Variants in NPBWR1 observed in about 807,000 individuals in gnomAD.
NPBWR1 encodes neuropeptides B/W receptor type 1.
In NPBWR1, 4 loss-of-function variants were observed where a neutral mutation model predicts 2.8. The observed-to-expected ratio is 1.44, with a 90% confidence interval of 0.71 to 3.29. NPBWR1 has a LOEUF of 3.29. Ranked by LOEUF, NPBWR1 falls within the 30% of genes most tolerant of loss-of-function variation. The probability of loss-of-function intolerance (pLI) is 0.01; values close to 1 mark genes in which losing one functional copy is unlikely to be tolerated. For missense variants in NPBWR1, 545 were observed against 462.5 expected (o/e 1.18, Z -1.64); for synonymous variants, 250 against 224.5 (o/e 1.11, Z -1.02).
rs779007405 is a variant in NPBWR1, at chr8:52,940,087, C to T, written c.180C>T (p.Tyr60=). 1 of 1,611,670 alleles carries T rather than the reference C, an allele frequency of 6.2e-7. No homozygotes were observed. The highest frequency in any genetic ancestry group is 1.1e-5 in the South Asian group (1 of 91,076). ...VGLAGNSAVL[Y]VLLRAPRMKT... ...TGGCGGGCAACTCCGCCGTGCTGTA[C>T]GTGTTGCTGCGGGCGCCCCGCATGA... Residue 60 remains tyrosine (Y), a synonymous_variant, in exon 2 of 2, where the codon TAC becomes TAT. Coordinates refer to ENST00000674939, the MANE Select transcript of NPBWR1 (RefSeq NM_005285.5).
Position 52,943,600 on chromosome 8 carries a change from C to G in NPBWR1, c.*2706C>G, listed in dbSNP as rs1802921979. 2.6e-5 allele frequency among the ~76,000 whole-genome samples: 4 copies of G among 152,262 alleles called. No individual in the cohort carries two copies. In the South Asian group the frequency reaches 8.3e-4, roughly 32 times the overall value. On this transcript the variant is annotated 3_prime_UTR_variant, in exon 2 of 2. Coordinates refer to ENST00000674939, the MANE Select transcript of NPBWR1 (RefSeq NM_005285.5). ...TACCACTTTGAATAGTTAAAAATGT[C>G]TATTTGCTTTTACTTAATTTAGTGC...
rs769773054 is a variant in NPBWR1 at position 52,940,333 on chromosome 8, G to A, written c.426G>A (p.Ala142=). The part of the protein sequence containing the change: ...ADRYLVVLAT[A]ESRRVAGRTY... Reference sequence around the variant, plus strand: ...GCTACCTGGTGGTGTTGGCCACTGCGGAGTCGCGCCGGGTGGCCGGCCGCA... The same window carrying A: ...GCTACCTGGTGGTGTTGGCCACTGCAGAGTCGCGCCGGGTGGCCGGCCGCA... The change falls in exon 2 of 2, where the codon GCG becomes GCA. Residue 142 remains alanine, a synonymous_variant. Coordinates refer to ENST00000674939, the MANE Select transcript of NPBWR1 (RefSeq NM_005285.5). 6.8e-6 allele frequency: 11 copies of A among 1,610,980 alleles called. No individual in the cohort carries two copies. Among genetic ancestry groups the A allele is most frequent in the South Asian group, 5.5e-5 (5 of 91,074 alleles).
At position 52,940,563 on chromosome 8, in the gene NPBWR1, T is replaced by C. The variant is rs751027271; in HGVS notation, c.656T>C (p.Ile219Thr). 5.6e-6 allele frequency: 9 copies of C among 1,599,304 alleles called. No homozygotes were observed. Among genetic ancestry groups the C allele is most frequent in the Non-Finnish European group, 1.7e-6 (2 of 1,175,190 alleles). Reference protein sequence around the residue: ...VLGFAIPVSTICVLYTTLLCR... With the variant: ...VLGFAIPVSTTCVLYTTLLCR... ...GGCTTCGCCATCCCCGTGTCCACCA[T>C]CTGTGTCCTCTATACCACCCTGCTG... Residue 219 changes from isoleucine (I) to threonine (T), a missense_variant, in exon 2 of 2, where the codon ATC becomes ACC. Coordinates refer to ENST00000674939, the MANE Select transcript of NPBWR1 (RefSeq NM_005285.5).
chr8:52,940,995 G>C lies in NPBWR1; in HGVS notation c.*101G>C, dbSNP rs961178622. ...CCAGACAGGCCGCCTAGGCCTCCTG[G>C]GGAAACCGACTCGCGCCCCATACCC... On this transcript the variant is annotated 3_prime_UTR_variant, in exon 2 of 2. Transcript: ENST00000674939. The C allele has an allele frequency of 6.3e-6, 9 of 1,425,944 alleles. No homozygotes were observed. The African/African-American group carries it at 1.3e-4, about 21-fold the overall frequency. The allele number at this position is 1,425,944 out of a possible 1,614,324, so 88.3% of individuals were successfully genotyped here.
chr8:52,942,127 G>T lies in NPBWR1; in HGVS notation c.*1233G>T, dbSNP rs527276010. Among the ~76,000 whole-genome samples the T allele has an allele frequency of 6.6e-6, 1 of 152,368 alleles. No individual in the cohort carries two copies. The highest frequency in any genetic ancestry group is 2.1e-4 in the South Asian group (1 of 4,826). On this transcript the variant is annotated 3_prime_UTR_variant, in exon 2 of 2. Coordinates refer to ENST00000674939, the MANE Select transcript of NPBWR1 (RefSeq NM_005285.5). ...TCTGCTTCCTTGGCTCCGCCTTAGGGAGAGCAGGAAGCAGGGATGACCGAC... is the reference window on the plus strand; with the variant it reads ...TCTGCTTCCTTGGCTCCGCCTTAGGTAGAGCAGGAAGCAGGGATGACCGAC...
At position 52,940,615 on chromosome 8, in the gene NPBWR1, C is replaced by T. The variant is rs748341323; in HGVS notation, c.708C>T (p.Asp236=). 6.2e-6 allele frequency: 10 copies of T among 1,606,572 alleles called. No individual in the cohort carries two copies. The East Asian group carries it at 2.2e-4, about 36-fold the overall frequency. Residue 236 remains aspartate (D), a synonymous_variant, in exon 2 of 2, where the codon GAC becomes GAT. Transcript: ENST00000674939. ...GCCGGCTGCATGCCATGCGGCTGGA[C>T]AGCCACGCCAAGGCCCTGGAGCGCG... The part of the protein sequence containing the change: ...LLCRLHAMRL[D]SHAKALERAK...
chr8:52,943,305 T>G lies in NPBWR1; in HGVS notation c.*2411T>G, dbSNP rs1365495657. Among the ~76,000 whole-genome samples the G allele has an allele frequency of 6.6e-6, 1 of 152,238 alleles. No individual in the cohort carries two copies. The highest frequency in any genetic ancestry group is 2.4e-5 in the African/African-American group (1 of 41,458). On this transcript the variant is annotated 3_prime_UTR_variant, in exon 2 of 2. Transcript: ENST00000674939. Reference sequence around the variant, plus strand: ...GCATGGACTGGCTTCTGAGTATGCCTGTGGGATTAATCAGGTCTCAGCAGT... The same window carrying G: ...GCATGGACTGGCTTCTGAGTATGCCGGTGGGATTAATCAGGTCTCAGCAGT...
At position 52,942,021 on chromosome 8, in the gene NPBWR1, A is replaced by G. The variant is rs1051050971; in HGVS notation, c.*1127A>G. Among the ~76,000 whole-genome samples, 4 of 152,232 alleles carry G rather than the reference A, an allele frequency of 2.6e-5. No homozygotes were observed. The highest frequency in any genetic ancestry group is 7.2e-5 in the African/African-American group (3 of 41,452). On this transcript the variant is annotated 3_prime_UTR_variant, in exon 2 of 2. Coordinates refer to ENST00000674939, the MANE Select transcript of NPBWR1 (RefSeq NM_005285.5). ...ACTGAAAACTTTATAAATAATGTACATGTCCTAATCTCACGAGTTGCCATG... is the reference window on the plus strand; with the variant it reads ...ACTGAAAACTTTATAAATAATGTACGTGTCCTAATCTCACGAGTTGCCATG...
Position 52,943,572 on chromosome 8 carries a change from T to G in NPBWR1, c.*2678T>G, listed in dbSNP as rs752898978. ...TTTCTGTGTAAACTCTATGGTTTGG[T>G]TTTACCACTTTGAATAGTTAAAAAT... On this transcript the variant is annotated 3_prime_UTR_variant, in exon 2 of 2. Transcript: ENST00000674939. Among the ~76,000 whole-genome samples the G allele has an allele frequency of 6.6e-6, 1 of 152,228 alleles. No individual in the cohort carries two copies. The highest frequency in any genetic ancestry group is 1.5e-5 in the Non-Finnish European group (1 of 68,046).
At position 52,941,895 on chromosome 8, in the gene NPBWR1, A is replaced by G. The variant is rs867373181; in HGVS notation, c.*1001A>G. 3.3e-5 allele frequency among the ~76,000 whole-genome samples: 5 copies of G among 152,332 alleles called. No individual in the cohort carries two copies. The highest frequency in any genetic ancestry group is 3.4e-3 in the Middle Eastern group (1 of 294). ...TGGCACACTGGTCATCGTTGCTTAT[A>G]GAGGATGCCAAGCCCCACCCCCATT... On this transcript the variant is annotated 3_prime_UTR_variant, in exon 2 of 2. Transcript: ENST00000674939.
At position 52,940,720 on chromosome 8, in the gene NPBWR1, C is replaced by T. The variant is rs761396667; in HGVS notation, c.813C>T (p.Thr271=). The part of the protein sequence containing the change: ...LLCWTPYHLS[T]VVALTTDLPQ... The stretch of plus-strand genomic sequence containing the variant: ...GCTGGACGCCCTACCACCTGAGCAC[C>T]GTGGTGGCGCTCACCACCGACCTCC... Residue 271 remains threonine, a synonymous_variant, in exon 2 of 2, where the codon ACC becomes ACT. Transcript: ENST00000674939. 1.2e-6 allele frequency: 2 copies of T among 1,613,662 alleles called. No individual in the cohort carries two copies. Among genetic ancestry groups the T allele is most frequent in the South Asian group, 1.1e-5 (1 of 91,086 alleles).
chr8:52,940,278 T>C lies in NPBWR1; in HGVS notation c.371T>C (p.Leu124Pro). 6.2e-7 allele frequency: 1 copy of C among 1,613,422 alleles called. No homozygotes were observed. Among genetic ancestry groups the C allele is most frequent in the Non-Finnish European group, 8.5e-7 (1 of 1,179,980 alleles). ...GACCAGTACAACACCTTCTCCAGCC[T>C]CTACTTCCTCACCGTCATGAGCGCC... ...AIDQYNTFSSLYFLTVMSADR... is the reference protein window; with the variant it reads ...AIDQYNTFSSPYFLTVMSADR... The change falls in exon 2 of 2, where the codon CTC (leucine) becomes CCC (proline). Residue 124 changes from leucine (L) to proline (P), a missense_variant. By Grantham distance (98) the Leu-to-Pro change is moderately conservative. Transcript: ENST00000674939.
chr8:52,940,684 G>A lies in NPBWR1; in HGVS notation c.777G>A (p.Val259=). 1 of 1,612,682 alleles carries A rather than the reference G, an allele frequency of 6.2e-7. No individual in the cohort carries two copies. Among genetic ancestry groups the A allele is most frequent in the Non-Finnish European group, 8.5e-7 (1 of 1,179,938 alleles). Residue 259 remains valine, a synonymous_variant, in exon 2 of 2, where the codon GTG becomes GTA. Coordinates refer to ENST00000674939, the MANE Select transcript of NPBWR1 (RefSeq NM_005285.5). ...VTFLVVAILA[V]CLLCWTPYHL... ...TCCTGGTGGTGGCAATCCTGGCGGT[G>A]TGCCTCCTCTGCTGGACGCCCTACC...
chr8:52,939,919 C>T lies in NPBWR1; in HGVS notation c.12C>T (p.Ala4=), dbSNP rs1056707381. The T allele has an allele frequency of 4.5e-6, 7 of 1,548,240 alleles. No homozygotes were observed. The highest frequency in any genetic ancestry group is 1.4e-5 in the African/African-American group (1 of 73,194). The stretch of plus-strand genomic sequence containing the variant: ...CTGCCCTCGTTGAGATGGACAACGC[C>T]TCGTTCTCGGAGCCCTGGCCCGCCA... MDN[A]SFSEPWPANA... is the part of the protein sequence containing the mutation. Residue 4 remains alanine (A), a synonymous_variant, in exon 2 of 2, where the codon GCC becomes GCT. Transcript: ENST00000674939.
At position 52,939,215 on chromosome 8, in the gene NPBWR1, G is replaced by C. The variant is rs951910622; in HGVS notation, c.-349G>C. Reference sequence around the variant, plus strand: ...ACTTCCAGGCGCGCGGGAGGGACCGGCGGGGACGCGAGCTGCGGACTCTGG... The same window carrying C: ...ACTTCCAGGCGCGCGGGAGGGACCGCCGGGGACGCGAGCTGCGGACTCTGG... On this transcript the variant is annotated 5_prime_UTR_variant, in exon 1 of 2. Transcript: ENST00000674939. 6.6e-6 allele frequency: 1 copy of C among 152,150 alleles called. No individual in the cohort carries two copies. Among genetic ancestry groups the C allele is most frequent in the Non-Finnish European group, 1.5e-5 (1 of 68,046 alleles). 9.4% of individuals were successfully genotyped at this position (152,150 alleles called of 1,614,324 possible).
At position 52,940,999 on chromosome 8, in the gene NPBWR1, A is replaced by T. The variant is rs994017201; in HGVS notation, c.*105A>T. ...ACAGGCCGCCTAGGCCTCCTGGGGAAACCGACTCGCGCCCCATACCCGACC... is the reference window on the plus strand; with the variant it reads ...ACAGGCCGCCTAGGCCTCCTGGGGATACCGACTCGCGCCCCATACCCGACC... On this transcript the variant is annotated 3_prime_UTR_variant, in exon 2 of 2. Coordinates refer to ENST00000674939, the MANE Select transcript of NPBWR1 (RefSeq NM_005285.5). 1 of 1,405,512 alleles carries T rather than the reference A, an allele frequency of 7.1e-7. No homozygotes were observed. The highest frequency in any genetic ancestry group is 9.4e-7 in the Non-Finnish European group (1 of 1,068,738). 87.1% of individuals were successfully genotyped at this position (1,405,512 alleles called of 1,614,324 possible).
In NPBWR1 at chr8:52,940,767, C is replaced by T; in HGVS notation, c.860C>T (p.Ala287Val). The T allele has an allele frequency of 6.2e-7, 1 of 1,614,110 alleles. No homozygotes were observed. The change falls in exon 2 of 2, where the codon GCT (alanine) becomes GTT (valine). Residue 287 changes from alanine to valine, a missense_variant. Physicochemically the swap from Ala to Val is moderately conservative, Grantham distance 64. Coordinates refer to ENST00000674939, the MANE Select transcript of NPBWR1 (RefSeq NM_005285.5). Reference protein sequence around the residue: ...TDLPQTPLVIAISYFITSLSY... With the variant: ...TDLPQTPLVIVISYFITSLSY... Reference sequence around the variant, plus strand: ...CTCCCGCAGACGCCGCTGGTCATCGCTATCTCCTACTTCATCACCAGCCTG... The same window carrying T: ...CTCCCGCAGACGCCGCTGGTCATCGTTATCTCCTACTTCATCACCAGCCTG...
rs1563547935 is a variant in NPBWR1, at chr8:52,939,840, A to G, written c.-68A>G. 1 of 1,438,554 alleles carries G rather than the reference A, an allele frequency of 7.0e-7. No homozygotes were observed. Among genetic ancestry groups the G allele is most frequent in the East Asian group, 2.5e-5 (1 of 40,708 alleles). The allele number at this position is 1,438,554 out of a possible 1,614,324, so 89.1% of individuals were successfully genotyped here. On this transcript the variant is annotated 5_prime_UTR_variant, in exon 2 of 2. Transcript: ENST00000674939. ...GCAGGTCCGTGCAGAACCGGGCTTC[A>G]GGACCGCTGAGCTCCGTAGGGCGTC...
At position 52,939,734 on chromosome 8, in the gene NPBWR1, G is replaced by A. The variant is rs1860153281; in HGVS notation, c.-174G>A. On this transcript the variant is annotated 5_prime_UTR_variant, in exon 2 of 2. Coordinates refer to ENST00000674939, the MANE Select transcript of NPBWR1 (RefSeq NM_005285.5). ...AGCCCCGTGAGTCCGCGGCGACATT[G>A]GGCCGTGGGGTGGCTGGGAACGGTC... is the stretch of plus-strand genomic sequence containing the variant. 3.1e-6 allele frequency: 2 copies of A among 652,384 alleles called. No individual in the cohort carries two copies. Among genetic ancestry groups the A allele is most frequent in the Admixed American group, 6.5e-5 (2 of 30,786 alleles). The allele number at this position is 652,384 out of a possible 1,614,324, so 40.4% of individuals were successfully genotyped here.
Sources: allele counts gnomAD v4.1 joint callset (sites outside exome capture counted in the v4.1 genomes callset), GRCh38; gene constraint gnomAD v4.1.1; transcripts MANE v1.5; gene names NCBI Gene and HGNC (gene_info 2026-07-23, HGNC 2026-07-21).